Variants in KIAA0825 observed in about 807,000 individuals in gnomAD.
KIAA0825 encodes uncharacterized protein KIAA0825.
Under a neutral mutation model 147.6 loss-of-function variants are expected in KIAA0825, and 119 were observed. That is an observed-to-expected ratio of 0.81 (90% CI 0.69 to 0.94). KIAA0825 has a LOEUF of 0.94. Among genes scored for constraint, KIAA0825 ranks in the 40% least tolerant of loss-of-function variants. The probability of loss-of-function intolerance (pLI) is 0.00; values close to 1 mark genes in which losing one functional copy is unlikely to be tolerated. For missense variants in KIAA0825, 1,381 were observed against 1,472.7 expected (o/e 0.94, Z 1.02); for synonymous variants, 470 against 518.1 (o/e 0.91, Z 1.26).
At chr5:94,216,139 C>T (rs1583876429) in intron 20 of KIAA0825, among the ~76,000 whole-genome samples, 1 of 152,126 alleles carries the variant, frequency 6.6e-6, no homozygotes, top group East Asian at 1.9e-4. Context: ...TACAACACCC[C>T]CAACACATCA....
intron 6 of KIAA0825, among the ~76,000 whole-genome samples, chr5:94,480,172 G>A (rs997914475): frequency 2.6e-5 from 4 of 151,892 alleles, no homozygotes; most frequent in African/African-American, 9.7e-5. Flanking sequence ...AGCAAATGAA[G>A]AGAGAAAAAA....
chr5:94,519,871 T>C (rs544636170), intron 5 of KIAA0825: 19 of 577,082 alleles, frequency 3.3e-5, no homozygotes, highest in Admixed American at 6.1e-5. Context: ...TGTGCTTATA[T>C]ATATGCGTAT....
At chr5:94,386,463 T>C in intron 18 of KIAA0825, 59 bp from the exon 19 acceptor site, 1 of 1,383,226 alleles carries the variant, frequency 7.2e-7, no homozygotes, top group Non-Finnish European at 9.9e-7. Flanking sequence ...TCTGTAAAAA[T>C]AAACTGATCA....
chr5:94,462,522 G>T lies in KIAA0825; in HGVS notation c.2111C>A (p.Ser704Ter). The change falls in exon 12 of 21, where the codon TCA (serine) becomes TAA (stop). Residue 704 changes from serine (S) to a stop codon, truncating the protein, a stop_gained. Coordinates refer to ENST00000682413, the MANE Select transcript of KIAA0825 (RefSeq NM_001145678.3). LOFTEE classifies it high-confidence loss of function. ...ILICTENMLW[S>*]VCTSVQKLLN... ...AAGTTTCTGTACAGATGTACAAACT[G>T]ACCATAACATGTTCTCAGTGCATAT... 6.5e-7 allele frequency: 1 copy of T among 1,540,776 alleles called. No homozygotes were observed. Among genetic ancestry groups the T allele is most frequent in the South Asian group, 1.2e-5 (1 of 81,616 alleles).
chr5:94,579,915 C>T (rs1333683078), intron 2 of KIAA0825, among the ~76,000 whole-genome samples: 1 of 152,164 alleles, frequency 6.6e-6, no homozygotes, highest in Non-Finnish European at 1.5e-5. Context: ...TCACAGACAA[C>T]TGTACACATA....
Position 94,335,538 on chromosome 5 carries a change from C to T in KIAA0825, c.3710+48830G>A, listed in dbSNP as rs1306096919. Among the ~76,000 whole-genome samples the T allele has an allele frequency of 2.0e-5, 3 of 152,036 alleles. No individual in the cohort carries two copies. In the East Asian group the frequency reaches 5.8e-4, roughly 29 times the overall value. On this transcript the variant is annotated intron_variant, in intron 20 of 20. Transcript: ENST00000682413. ...CTGATCTCTCTTTAATTCTGTTTCT[C>T]ACATTAATTTTATATGTAAAAATAT...
intron 2 of KIAA0825, among the ~76,000 whole-genome samples, chr5:94,542,211 G>A (rs1773464509): frequency 1.3e-5 from 2 of 152,284 alleles, no homozygotes; most frequent in Admixed American, 1.3e-4. Context: ...GACTCTCATG[G>A]AGAGCTGAAA....
intron 2 of KIAA0825, among the ~76,000 whole-genome samples, chr5:94,550,473 G>A (rs1456812118): frequency 6.6e-6 from 1 of 152,190 alleles, no homozygotes; most frequent in African/African-American, 2.4e-5. Context: ...TAAATTGGAA[G>A]AGGCAACTAT....
intron 20 of KIAA0825, among the ~76,000 whole-genome samples, chr5:94,364,030 G>A (rs1229345025): frequency 3.9e-5 from 6 of 151,924 alleles, no homozygotes; most frequent in Admixed American, 3.3e-4. Context: ...TCACCACTGT[G>A]CTTTACAGTA....
intron 1 of KIAA0825, among the ~76,000 whole-genome samples, chr5:94,601,059 C>T (rs1333850346): frequency 1.3e-5 from 2 of 152,120 alleles, no homozygotes; most frequent in Non-Finnish European, 2.9e-5. Flanking sequence ...GAAAGAGTAC[C>T]GCAGCACAGC....
At chr5:94,553,057 T>C (rs1228578312) in intron 2 of KIAA0825, among the ~76,000 whole-genome samples, 1 of 152,236 alleles carries the variant, frequency 6.6e-6, no homozygotes, top group South Asian at 2.1e-4. Flanking sequence ...TTTGGGATGA[T>C]GGATCGACTA....
intron 18 of KIAA0825, 54 bp downstream of exon 18, chr5:94,391,481 G>T: frequency 6.5e-7 from 1 of 1,532,122 alleles, no homozygotes; most frequent in Non-Finnish European, 8.8e-7. Flanking sequence ...GCCAGCAGAC[G>T]CTGCCTCAGG....
intron 20 of KIAA0825, among the ~76,000 whole-genome samples, chr5:94,371,916 T>C (rs1417353818): frequency 6.6e-6 from 1 of 152,104 alleles, no homozygotes; most frequent in Non-Finnish European, 1.5e-5. Context: ...AAAAGCAAGT[T>C]GGTTACTTCC....
At chr5:94,284,215 TTTGCTA>T (rs1279376148) in intron 20 of KIAA0825, among the ~76,000 whole-genome samples, 6 of 152,278 alleles carry the variant, frequency 3.9e-5, no homozygotes, top group Non-Finnish European at 7.4e-5. Flanking sequence ...TGTTCTCAAA[TTTGCTA>T]TAGTTTCCCA....
At chr5:94,490,340 T>C (rs1763584884) in intron 5 of KIAA0825, among the ~76,000 whole-genome samples, 1 of 152,210 alleles carries the variant, frequency 6.6e-6, no homozygotes, top group African/African-American at 2.4e-5. Flanking sequence ...AAACCTAAAA[T>C]GTATTCTTTA....
chr5:94,355,464 A>G (rs966801306), intron 20 of KIAA0825, among the ~76,000 whole-genome samples: 1 of 152,200 alleles, frequency 6.6e-6, no homozygotes, highest in African/African-American at 2.4e-5. Flanking sequence ...CACGATATAT[A>G]GAGTTAAATA....
At chr5:94,359,305 A>G (rs1744733661) in intron 20 of KIAA0825, among the ~76,000 whole-genome samples, 1 of 152,226 alleles carries the variant, frequency 6.6e-6, no homozygotes, top group South Asian at 2.1e-4. Context: ...AACTAAGGCT[A>G]AGTACCATAG....
At chr5:94,466,736 C>CA (rs56785201) in intron 10 of KIAA0825, among the ~76,000 whole-genome samples, 8,707 of 60,736 alleles carry the variant, frequency 0.14, 967 homozygotes, top group African/African-American at 0.19. Context: ...GACTGTGTCT[C>CA]AAAAAAAAAA....
In KIAA0825 at chr5:94,195,548, T is replaced by A. The variant is rs146031997; in HGVS notation, c.3711-41424A>T. On this transcript the variant is annotated intron_variant, in intron 20 of 20. Coordinates refer to ENST00000682413, the MANE Select transcript of KIAA0825 (RefSeq NM_001145678.3). ...GCATATAGAAAAAAAGGAGATTCCTTTTAAACACATGCTCCCTGGCTCCAA... is the reference window on the plus strand; with the variant it reads ...GCATATAGAAAAAAAGGAGATTCCTATTAAACACATGCTCCCTGGCTCCAA... Among the ~76,000 whole-genome samples the A allele has an allele frequency of 6.3e-4, 96 of 152,218 alleles. 1 individual carries two copies. Among genetic ancestry groups the A allele is most frequent in the African/African-American group, 2.3e-3 (94 of 41,568 alleles).
Sources: gnomAD v4.1 joint callset for allele counts (sites outside exome capture counted in the v4.1 genomes callset) on GRCh38, gnomAD v4.1.1 for gene constraint, MANE v1.5 for transcripts, NCBI Gene and HGNC (gene_info 2026-07-23, HGNC 2026-07-21) for gene names.